Variants in BTBD8 observed in about 807,000 individuals in gnomAD.
BTBD8 encodes BTB/POZ domain-containing protein 8.
BTBD8 carries 110 observed loss-of-function variants against 162.9 expected under a neutral mutation model. The observed-to-expected ratio is 0.68, with a 90% CI of 0.58 to 0.79. The LOEUF (loss-of-function observed/expected upper bound fraction) is 0.79. BTBD8 is among the 30% of genes least tolerant of loss of function. The pLI is 0.00. For synonymous variants in BTBD8, 667 were observed against 716.1 expected, an observed-to-expected ratio of 0.93 and a Z score of 1.10; for missense variants, 1,905 against 2,085.4, an observed-to-expected ratio of 0.91 and a Z score of 1.68.
At chr1:92,144,886 A>G (rs1298638122) in intron 7 of BTBD8, among the ~76,000 whole-genome samples, 1 of 151,850 alleles carries the variant, frequency 6.6e-6, no homozygotes, top group East Asian at 1.9e-4. Flanking sequence ...AAGTATCTCC[A>G]GTTATCTCAA....
At chr1:92,084,378 C>T (rs1440129735) in intron 1 of BTBD8, among the ~76,000 whole-genome samples, 1 of 152,110 alleles carries the variant, frequency 6.6e-6, no homozygotes, top group African/African-American at 2.4e-5. Flanking sequence ...GCGTGTGTTG[C>T]GAGCTAGGGA....
chr1:92,103,653 T>C (rs1373171154), intron 3 of BTBD8, among the ~76,000 whole-genome samples: 5 of 152,196 alleles, frequency 3.3e-5, no homozygotes, highest in Non-Finnish European at 5.9e-5. Flanking sequence ...GATCTTCCCA[T>C]TCTCCTCTCT....
chr1:92,137,350 C>T (rs982967201), intron 5 of BTBD8, among the ~76,000 whole-genome samples: 20 of 152,206 alleles, frequency 1.3e-4, no homozygotes, highest in African/African-American at 4.6e-4. Context: ...GGCCAGAAAC[C>T]TGTATGAGAG....
At chr1:92,136,562 G>A (rs1305687512) in intron 5 of BTBD8, among the ~76,000 whole-genome samples, 1 of 152,126 alleles carries the variant, frequency 6.6e-6, no homozygotes, top group Non-Finnish European at 1.5e-5. Context: ...AATCATTGCT[G>A]ACATTCTGCT....
chr1:92,156,918 C>A (rs75650411), intron 9 of BTBD8, among the ~76,000 whole-genome samples: 3,397 of 150,852 alleles, frequency 0.023, 53 homozygotes, highest in South Asian at 0.05. Context: ...AACTGTTTTT[C>A]TATCCTCTAT....
At chr1:92,092,394 C>CA (rs60361376) in intron 2 of BTBD8, among the ~76,000 whole-genome samples, 57 of 131,524 alleles carry the variant, frequency 4.3e-4, no homozygotes, top group Admixed American at 5.3e-4. Context: ...AGGCTATCTC[C>CA]AAAAAAAAAA....
chr1:92,142,644 A>G (rs1439520273), intron 7 of BTBD8, among the ~76,000 whole-genome samples: 1 of 152,226 alleles, frequency 6.6e-6, no homozygotes, highest in Non-Finnish European at 1.5e-5. Context: ...ACAGCGAAGG[A>G]GGAGGACCTT....
intron 2 of BTBD8, among the ~76,000 whole-genome samples, chr1:92,101,718 G>C (rs1648596168): frequency 6.6e-6 from 1 of 152,006 alleles, no homozygotes; most frequent in Non-Finnish European, 1.5e-5. Context: ...TTATTTTTGA[G>C]ACAGGGTTTC....
chr1:92,084,399 C>T (rs1648100020), intron 1 of BTBD8, among the ~76,000 whole-genome samples: 1 of 152,072 alleles, frequency 6.6e-6, no homozygotes, highest in African/African-American at 2.4e-5. Flanking sequence ...ATCTGGGAGT[C>T]GCCATCCCAG....
At chr1:92,143,065 T>G (rs1649814828) in intron 7 of BTBD8, among the ~76,000 whole-genome samples, 1 of 152,166 alleles carries the variant, frequency 6.6e-6, no homozygotes, top group African/African-American at 2.4e-5. Flanking sequence ...AAAATAGTAC[T>G]GTGCTGAATT....
intron 12 of BTBD8, 45 bp from the exon 13 acceptor site, chr1:92,171,354 A>T (rs1650538715): frequency 7.2e-7 from 1 of 1,384,760 alleles, no homozygotes; most frequent in Admixed American, 2.1e-5. Context: ...TTCTAAGGTA[A>T]TAATAATGTT....
At chr1:92,148,198 T>TA (rs2100639416) in intron 9 of BTBD8, among the ~76,000 whole-genome samples, 1 of 152,306 alleles carries the variant, frequency 6.6e-6, no homozygotes, top group South Asian at 2.1e-4. Context: ...TTCCATCCTG[T>TA]AAAAGGCCGT....
At chr1:92,122,079 G>C (rs1179752163) in intron 4 of BTBD8, among the ~76,000 whole-genome samples, 1 of 152,058 alleles carries the variant, frequency 6.6e-6, no homozygotes, top group Admixed American at 6.6e-5. Context: ...ACATACTGTT[G>C]TGTCTGGCCT....
rs149191841 is a variant in BTBD8 at position 92,147,730 on chromosome 1, G to A, written c.1066G>A (p.Ala356Thr). The A allele has an allele frequency of 2.5e-6, 4 of 1,613,486 alleles. No homozygotes were observed. The African/African-American group carries it at 5.3e-5, about 22-fold the overall frequency. ...FARFWSERSF[A>T]NIPPEIQKSC... ...AAGGTTTTGGTCTGAGAGAAGCTTT[G>A]CAAATATACCTCCTGAGATTCAGAA... Residue 356 changes from alanine (A) to threonine (T), a missense_variant, in exon 9 of 18, where the codon GCA becomes ACA. By Grantham distance (58) the Ala-to-Thr change is moderately conservative. This residue lies in a region of BTBD8 where 1,374 missense variants were observed against 1,442.7 expected (regional missense o/e 0.95). Transcript: ENST00000636805.
chr1:92,139,566 A>G, intron 6 of BTBD8, 136 bp downstream of exon 6: 1 of 1,311,628 alleles, frequency 7.6e-7, no homozygotes, highest in Non-Finnish European at 9.7e-7. Context: ...AGGTTTTGAG[A>G]ACATCTAAAA....
Position 92,167,139 on chromosome 1 carries a change from A to G in BTBD8, c.1304A>G (p.Gln435Arg). The change falls in exon 10 of 18, where the codon CAG becomes CGG. Residue 435 changes from glutamine (Q) to arginine (R), a missense_variant and splice_region_variant. By Grantham distance (43) the Gln-to-Arg change is conservative (BLOSUM62 1). This residue lies in a region of BTBD8 where 1,374 missense variants were observed against 1,442.7 expected (regional missense o/e 0.95). Transcript: ENST00000636805. ...AGTGAAAATTTTGCTCTTCTTTTAC[A>G]GGTACTATGCCTAAATTATATCCTA... ...IQSENFALLLQSQAMSSTADL... is the reference protein window; with the variant it reads ...IQSENFALLLRSQAMSSTADL... The G allele has an allele frequency of 6.4e-7, 1 of 1,550,470 alleles. No individual in the cohort carries two copies. Among genetic ancestry groups the G allele is most frequent in the Non-Finnish European group, 8.7e-7 (1 of 1,146,922 alleles).
intron 12 of BTBD8, among the ~76,000 whole-genome samples, chr1:92,169,361 T>C (rs1650471175): frequency 6.6e-6 from 1 of 152,224 alleles, no homozygotes; most frequent in African/African-American, 2.4e-5. Context: ...ATATGTTTTG[T>C]CATAAAGCTT....
chr1:92,122,431 A>G (rs1025781011), intron 4 of BTBD8, among the ~76,000 whole-genome samples: 9 of 151,118 alleles, frequency 6.0e-5, no homozygotes, highest in African/African-American at 9.7e-5. Context: ...GCTAATTTTT[A>G]TATTTTTAGT....
At chr1:92,140,595 G>T (rs972368207) in intron 6 of BTBD8, among the ~76,000 whole-genome samples, 11 of 152,132 alleles carry the variant, frequency 7.2e-5, no homozygotes, top group Admixed American at 3.3e-4. Flanking sequence ...TTCAAAGCTT[G>T]TAGGCTTCTT....
Sources: gnomAD v4.1 joint callset for allele counts (sites outside exome capture counted in the v4.1 genomes callset) on GRCh38, gnomAD v4.1.1 for gene constraint, gnomAD v4.1.1 regional missense constraint, MANE v1.5 for transcripts, NCBI Gene and HGNC (gene_info 2026-07-23, HGNC 2026-07-21) for gene names.